The following IGF1R variants were observed in gnomAD, a reference collection of about 807,000 sequenced individuals.
IGF1R encodes insulin-like growth factor 1 receptor.
In IGF1R, 44 loss-of-function variants were observed where a neutral mutation model predicts 144.6. The observed-to-expected ratio is 0.30, with a 90% confidence interval of 0.24 to 0.39. IGF1R has a LOEUF of 0.39. Among genes scored for constraint, IGF1R ranks in the 10% least tolerant of loss-of-function variants. The pLI is 1.00. For synonymous variants in IGF1R, 795 were observed against 722.8 expected (o/e 1.10, Z -1.60); for missense variants, 1,355 against 1,833.7 (o/e 0.74, Z 4.77).
chr15:98,939,649 A>T (rs976712590), intron 18 of IGF1R, among the ~76,000 whole-genome samples: 1 of 152,234 alleles, frequency 6.6e-6, no homozygotes, highest in Admixed American at 6.5e-5. Flanking sequence ...AGCATTGGTT[A>T]CAGAAATAAT....
At chr15:98,757,101 G>C (rs536178080) in intron 2 of IGF1R, among the ~76,000 whole-genome samples, 1 of 152,266 alleles carries the variant, frequency 6.6e-6, no homozygotes, top group African/African-American at 2.4e-5. Flanking sequence ...TTGCATTATA[G>C]TCAGATCTTC....
intron 2 of IGF1R, among the ~76,000 whole-genome samples, chr15:98,865,906 G>A (rs2012414696): frequency 6.6e-6 from 1 of 152,112 alleles, no homozygotes; most frequent in Non-Finnish European, 1.5e-5. Context: ...AAAATCTGCG[G>A]TCCGAGAACC....
rs150252861 is a variant in IGF1R at position 98,687,920 on chromosome 15, G to C, written c.95-19642G>C. Reference sequence around the variant, plus strand: ...GCTGGAAGCAGGGCTCCTCATGATTGCCAGCCCCTGTTTGGTAGTGGTCCT... The same window carrying C: ...GCTGGAAGCAGGGCTCCTCATGATTCCCAGCCCCTGTTTGGTAGTGGTCCT... On this transcript the variant is annotated intron_variant, in intron 1 of 20. Transcript: ENST00000650285. Among the ~76,000 whole-genome samples the C allele has an allele frequency of 8.5e-4, 129 of 152,296 alleles. 1 individual carries two copies. Among genetic ancestry groups the C allele is most frequent in the African/African-American group, 3.0e-3 (126 of 41,554 alleles).
chr15:98,874,063 G>A (rs151089762), intron 2 of IGF1R, among the ~76,000 whole-genome samples: 1 of 152,268 alleles, frequency 6.6e-6, no homozygotes, highest in Non-Finnish European at 1.5e-5. Flanking sequence ...TTCAAAGGAT[G>A]GGGGTTGAGG....
intron 7 of IGF1R, among the ~76,000 whole-genome samples, chr15:98,912,383 C>T (rs947225872): frequency 5.9e-5 from 9 of 152,244 alleles, no homozygotes; most frequent in African/African-American, 2.2e-4. Flanking sequence ...GTGTTTTGTT[C>T]ATGTTTGTTT....
chr15:98,779,217 G>A (rs935410402), intron 2 of IGF1R, among the ~76,000 whole-genome samples: 3 of 152,184 alleles, frequency 2.0e-5, no homozygotes, highest in African/African-American at 7.2e-5. Flanking sequence ...AAGAGAATAA[G>A]TTTTCACCTG....
chr15:98,950,464 C>A (rs1294594437), intron 20 of IGF1R, among the ~76,000 whole-genome samples: 2 of 152,196 alleles, frequency 1.3e-5, no homozygotes, highest in African/African-American at 4.8e-5. Context: ...CTTCAGGCTC[C>A]TTCAGGGTTC....
chr15:98,652,492 C>T (rs1003071473), intron 1 of IGF1R, among the ~76,000 whole-genome samples: 1 of 152,080 alleles, frequency 6.6e-6, no homozygotes, highest in African/African-American at 2.4e-5. Context: ...ACATAGCAAG[C>T]AAATGGTGTT....
At position 98,652,859 on chromosome 15, in the gene IGF1R, A is replaced by T. The variant is rs562842926; in HGVS notation, c.94+3184A>T. Among the ~76,000 whole-genome samples the T allele has an allele frequency of 5.3e-5, 8 of 152,112 alleles. No individual in the cohort carries two copies. In the South Asian group the frequency reaches 1.0e-3, roughly 20 times the overall value. ...TGTGGCGATGGCTGCATAGCTCTAA[A>T]TATACTTAAAACCATTGGATTATGT... On this transcript the variant is annotated intron_variant, in intron 1 of 20. Coordinates refer to ENST00000650285, the MANE Select transcript of IGF1R (RefSeq NM_000875.5).
rs139280569 is a variant in IGF1R at position 98,765,308 on chromosome 15, C to CTTTTTT, written c.640+57224_640+57229dup. Among the ~76,000 whole-genome samples the CTTTTTT allele has an allele frequency of 4.7e-4, 29 of 61,822 alleles. 3 individuals carry two copies. The highest frequency in any genetic ancestry group is 1.4e-3 in the African/African-American group (21 of 15,024). 40.6% of individuals were successfully genotyped at this position (61,822 alleles called of 152,430 possible). On this transcript the variant is annotated intron_variant, in intron 2 of 20. Coordinates refer to ENST00000650285, the MANE Select transcript of IGF1R (RefSeq NM_000875.5). ...TCTCACCCAATGATCATGCCAACAC[C>CTTTTTT]TTTTTTTTTTTTTTTTTTTTTTTTT...
rs1314190313 is a variant in IGF1R at position 98,834,478 on chromosome 15, T to TA, written c.641-56846dup. On this transcript the variant is annotated intron_variant, in intron 2 of 20. Coordinates refer to ENST00000650285, the MANE Select transcript of IGF1R (RefSeq NM_000875.5). ...TGGTAAAAACTCTTGCCTTCACACT[T>TA]ACTTCTGTTTTATTTTGCCTTATTT... Among the ~76,000 whole-genome samples, 3 of 152,352 alleles carry TA rather than the reference T, an allele frequency of 2.0e-5. No homozygotes were observed. In the East Asian group the frequency reaches 5.8e-4, roughly 29 times the overall value.
intron 2 of IGF1R, among the ~76,000 whole-genome samples, chr15:98,729,738 A>G (rs1425181464): frequency 6.6e-6 from 1 of 152,134 alleles, no homozygotes; most frequent in Non-Finnish European, 1.5e-5. Flanking sequence ...ATTCGCCTTC[A>G]TCCTCTTGAA....
intron 2 of IGF1R, among the ~76,000 whole-genome samples, chr15:98,843,847 C>T (rs1252630885): frequency 6.6e-6 from 1 of 152,192 alleles, no homozygotes; most frequent in Non-Finnish European, 1.5e-5. Context: ...CAGTTCTCTT[C>T]TTGTCAAGCA....
chr15:98,703,536 G>A (rs753681597), intron 1 of IGF1R, among the ~76,000 whole-genome samples: 1 of 152,194 alleles, frequency 6.6e-6, no homozygotes, highest in Non-Finnish European at 1.5e-5. Flanking sequence ...GCCCTGCCTC[G>A]TGCTCTGTGG....
intron 1 of IGF1R, among the ~76,000 whole-genome samples, chr15:98,667,570 C>T (rs1343714569): frequency 6.6e-6 from 1 of 152,180 alleles, no homozygotes; most frequent in African/African-American, 2.4e-5. Flanking sequence ...CAGATACTCT[C>T]TGGGGCTATT....
intron 1 of IGF1R, chr15:98,650,786 C>A: frequency 3.4e-6 from 2 of 581,384 alleles, no homozygotes; most frequent in Non-Finnish European, 4.3e-6. Context: ...CTCTCTTCTG[C>A]CGCCCCGCAC....
In IGF1R at chr15:98,707,574, G is replaced by GCATCGACATCCGCAA; in HGVS notation, c.109_123dup (p.Ile37_Asn41dup). The GCATCGACATCCGCAA allele has an allele frequency of 6.2e-7, 1 of 1,614,166 alleles. No individual in the cohort carries two copies. Among genetic ancestry groups the GCATCGACATCCGCAA allele is most frequent in the South Asian group, 1.1e-5 (1 of 91,076 alleles). On this transcript the variant is annotated inframe_insertion, in exon 2 of 21. Transcript: ENST00000650285. This position sits in a 1 kb window ranked among gnomAD's most constrained non-coding sequence, Gnocchi z 6.7. ...TGTCTCCCTTCAGTCTGCGGGCCAGGCATCGACATCCGCAACGACTATCAG... is the reference window on the plus strand; with the variant it reads ...TGTCTCCCTTCAGTCTGCGGGCCAGGCATCGACATCCGCAACATCGACATCCGCAACGACTATCAG...
In IGF1R at chr15:98,704,648, G is replaced by A. The variant is rs2053817913; in HGVS notation, c.95-2914G>A. ...ATGTCATGTGTCCGCTGCACACCAA[G>A]TACTGTTTTAGGCACTGGTGATATA... On this transcript the variant is annotated intron_variant, in intron 1 of 20. Coordinates refer to ENST00000650285, the MANE Select transcript of IGF1R (RefSeq NM_000875.5). This position sits in a 1 kb window ranked among gnomAD's most constrained non-coding sequence, Gnocchi z 4.9. Among the ~76,000 whole-genome samples the A allele has an allele frequency of 6.6e-6, 1 of 152,184 alleles. No homozygotes were observed. The highest frequency in any genetic ancestry group is 2.4e-5 in the African/African-American group (1 of 41,448).
intron 5 of IGF1R, among the ~76,000 whole-genome samples, chr15:98,901,439 G>A (rs1317157929): frequency 6.6e-6 from 1 of 152,182 alleles, no homozygotes; most frequent in Non-Finnish European, 1.5e-5. Flanking sequence ...GACCACAAAG[G>A]TATAGCCCAT....
Sources: gnomAD v4.1 joint callset for allele counts (sites outside exome capture counted in the v4.1 genomes callset) on GRCh38, gnomAD v4.1.1 for gene constraint, Gnocchi (gnomAD v3.1) non-coding constraint, MANE v1.5 for transcripts, NCBI Gene and HGNC (gene_info 2026-07-23, HGNC 2026-07-21) for gene names.